The following LEKR1 variants were observed in gnomAD, a reference collection of about 807,000 sequenced individuals.
The protein encoded by LEKR1 is protein LEKR1.
A neutral mutation model predicts 72.4 loss-of-function variants in LEKR1; 59 were observed. The ratio of observed to expected loss-of-function variants is 0.82; its 90% CI spans 0.66 to 1.01. The LOEUF (loss-of-function observed/expected upper bound fraction) is 1.01. Among genes scored for constraint, LEKR1 ranks in the 50% least tolerant of loss-of-function variants. The pLI, the probability that LEKR1 is intolerant of heterozygous loss-of-function variation, is 0.00. For synonymous variants in LEKR1, 257 were observed against 263.2 expected (o/e 0.98, Z 0.23); for missense variants, 728 against 759.2 (o/e 0.96, Z 0.48).
At chr3:156,969,529 G>A (rs1370322560) in intron 6 of LEKR1, among the ~76,000 whole-genome samples, 1 of 152,110 alleles carries the variant, frequency 6.6e-6, no homozygotes, top group Non-Finnish European at 1.5e-5. Flanking sequence ...TAGAAGAAAT[G>A]GATAAATTCC....
intron 6 of LEKR1, among the ~76,000 whole-genome samples, chr3:156,960,851 T>C (rs547894503): frequency 6.0e-4 from 92 of 152,334 alleles, no homozygotes; most frequent in African/African-American, 2.1e-3. Flanking sequence ...AAATTTTTTG[T>C]TTCCTTTTGA....
intron 2 of LEKR1, among the ~76,000 whole-genome samples, chr3:156,849,666 C>A (rs1256006414): frequency 1.3e-5 from 2 of 152,218 alleles, no homozygotes; most frequent in Admixed American, 6.5e-5. Context: ...GAAAGGATTC[C>A]CTATTTAATA....
intron 6 of LEKR1, among the ~76,000 whole-genome samples, chr3:156,959,481 C>A (rs1227023649): frequency 6.6e-6 from 1 of 152,136 alleles, no homozygotes; most frequent in Non-Finnish European, 1.5e-5. Flanking sequence ...AATAAGGCTT[C>A]TTTTGTGGTA....
chr3:156,921,701 G>T (rs1398281191), intron 4 of LEKR1, among the ~76,000 whole-genome samples: 1 of 152,060 alleles, frequency 6.6e-6, no homozygotes, highest in East Asian at 1.9e-4. Context: ...TTCTGTAATA[G>T]CTTTGGCCCA....
chr3:156,936,041 CA>C (rs578230490), intron 5 of LEKR1, among the ~76,000 whole-genome samples: 113 of 152,240 alleles, frequency 7.4e-4, no homozygotes, highest in Admixed American at 2.2e-3. Flanking sequence ...ACTTTACAGT[CA>C]CTCTTAATCC....
chr3:156,886,926 T>C (rs1720159191), intron 3 of LEKR1, among the ~76,000 whole-genome samples: 1 of 152,232 alleles, frequency 6.6e-6, no homozygotes, highest in Middle Eastern at 3.2e-3. Flanking sequence ...GGTATGTTCT[T>C]GCAGTAGTTC....
chr3:157,008,434 TG>T (rs1732634262), intron 9 of LEKR1, among the ~76,000 whole-genome samples: 1 of 152,252 alleles, frequency 6.6e-6, no homozygotes, highest in Non-Finnish European at 1.5e-5. Flanking sequence ...ATTGAAGGTT[TG>T]TATATGTATC....
At chr3:156,834,001 T>C (rs748057619) in intron 2 of LEKR1, among the ~76,000 whole-genome samples, 7 of 151,936 alleles carry the variant, frequency 4.6e-5, no homozygotes, top group Admixed American at 3.3e-4. Context: ...AAAACCAAAT[T>C]TTACCTTTTT....
chr3:156,839,565 G>C (rs571966520), intron 2 of LEKR1, among the ~76,000 whole-genome samples: 8 of 152,146 alleles, frequency 5.3e-5, no homozygotes, highest in Non-Finnish European at 1.2e-4. Flanking sequence ...GAGGGTGAAG[G>C]GTTTCAAGAT....
intron 10 of LEKR1, among the ~76,000 whole-genome samples, chr3:157,020,988 G>T (rs1733790546): frequency 6.6e-6 from 1 of 151,664 alleles, no homozygotes; most frequent in East Asian, 1.9e-4. Context: ...GTGGGAGATG[G>T]TATCTCATTG....
chr3:156,899,633 CACGCATATAT>C (rs1284514476), intron 3 of LEKR1, among the ~76,000 whole-genome samples: 2 of 96,004 alleles, frequency 2.1e-5, no homozygotes, highest in East Asian at 2.9e-4. Flanking sequence ...CACATATATA[CACGCATATAT>C]ACACATATAT....
intron 2 of LEKR1, among the ~76,000 whole-genome samples, chr3:156,832,980 C>T (rs1257001122): frequency 6.6e-6 from 1 of 152,132 alleles, no homozygotes; most frequent in African/African-American, 2.4e-5. Flanking sequence ...TAAGAAGACT[C>T]ATAATTAGTT....
At chr3:156,946,010 G>T (rs559021029) in intron 6 of LEKR1, among the ~76,000 whole-genome samples, 1 of 151,748 alleles carries the variant, frequency 6.6e-6, no homozygotes, top group South Asian at 2.1e-4. Context: ...TTTTGATAGT[G>T]ATTGCATTGT....
intron 3 of LEKR1, among the ~76,000 whole-genome samples, chr3:156,904,515 G>A (rs76647923): frequency 0.067 from 10,013 of 150,388 alleles, 400 homozygotes; most frequent in African/African-American, 0.11. Flanking sequence ...GCTGGAGTGC[G>A]ATGGCATGAT....
intron 5 of LEKR1, among the ~76,000 whole-genome samples, chr3:156,932,011 G>C (rs1358867108): frequency 6.6e-6 from 1 of 152,160 alleles, no homozygotes; most frequent in Non-Finnish European, 1.5e-5. Flanking sequence ...ATATGCAAAT[G>C]TTGAACTCTT....
chr3:156,885,795 G>C (rs1194504036), intron 3 of LEKR1, among the ~76,000 whole-genome samples: 1 of 152,232 alleles, frequency 6.6e-6, no homozygotes, highest in Non-Finnish European at 1.5e-5. Context: ...CCTCTGGATG[G>C]TCAGGATGTT....
chr3:157,021,271 C>T (rs947878906), intron 10 of LEKR1, among the ~76,000 whole-genome samples: 1 of 151,856 alleles, frequency 6.6e-6, no homozygotes, highest in Non-Finnish European at 1.5e-5. Context: ...TGTGCAGAAG[C>T]TCTTTAGTTT....
At chr3:156,911,601 C>T (rs573750631) in intron 3 of LEKR1, among the ~76,000 whole-genome samples, 8 of 151,978 alleles carry the variant, frequency 5.3e-5, no homozygotes, top group Admixed American at 2.0e-4. Flanking sequence ...AAGGCTATTT[C>T]CTAGGTTTTT....
At chr3:156,940,740 G>A (rs955783794) in intron 5 of LEKR1, among the ~76,000 whole-genome samples, 2 of 152,036 alleles carry the variant, frequency 1.3e-5, no homozygotes, top group African/African-American at 4.8e-5. Context: ...AAATAAATTT[G>A]TATTGCAGAT....
Sources: gnomAD v4.1 joint callset for allele counts (sites outside exome capture counted in the v4.1 genomes callset) on GRCh38, gnomAD v4.1.1 for gene constraint, MANE v1.5 for transcripts, NCBI Gene and HGNC (gene_info 2026-07-23, HGNC 2026-07-21) for gene names.